The following RAB38 variants were observed in gnomAD, a reference collection of about 807,000 sequenced individuals.
The protein encoded by RAB38 is ras-related protein Rab-38.
RAB38 carries 15 observed loss-of-function variants against 18.4 expected under a neutral mutation model. The ratio of observed to expected loss-of-function variants is 0.82; its 90% CI spans 0.55 to 1.26. RAB38 has a LOEUF of 1.26. Among genes scored for constraint, RAB38 ranks in the 50% most tolerant of loss-of-function variants. The pLI, the probability that RAB38 is intolerant of heterozygous loss-of-function variation, is 0.00. For missense variants in RAB38, 294 were observed against 267.4 expected (o/e 1.10, Z -0.69); for synonymous variants, 101 against 104.4 (o/e 0.97, Z 0.20).
the RAB38 span, among the ~76,000 whole-genome samples, chr11:88,064,578 T>C: frequency 3.3e-5 from 5 of 152,216 alleles, no homozygotes; most frequent in African/African-American, 1.2e-4. Flanking sequence ...ATGTGATAAA[T>C]AGGCCTTATT....
the RAB38 span, among the ~76,000 whole-genome samples, chr11:88,071,716 T>TG: frequency 6.6e-6 from 1 of 152,124 alleles, no homozygotes; most frequent in South Asian, 2.1e-4. Flanking sequence ...AGCAATTGAT[T>TG]GGTAATAGGG....
the RAB38 span, among the ~76,000 whole-genome samples, chr11:87,858,922 A>C: frequency 8.0e-5 from 12 of 150,442 alleles, no homozygotes; most frequent in African/African-American, 2.7e-4. Context: ...TGTCCACCTG[A>C]GTCCAAAAAA....
the RAB38 span, among the ~76,000 whole-genome samples, chr11:88,010,838 C>T: frequency 6.6e-6 from 1 of 152,222 alleles, no homozygotes; most frequent in East Asian, 1.9e-4. Flanking sequence ...TTACCTTCCT[C>T]GTAGTCACCT....
chr11:87,909,139 A>C, the RAB38 span, among the ~76,000 whole-genome samples: 1 of 152,010 alleles, frequency 6.6e-6, no homozygotes, highest in South Asian at 2.1e-4. Context: ...TCCTGAAATG[A>C]ATCATTTTCT....
chr11:87,943,846 CTGTG>C, the RAB38 span, among the ~76,000 whole-genome samples: 1,635 of 152,220 alleles, frequency 0.011, 25 homozygotes, highest in African/African-American at 0.034. Flanking sequence ...TTCTACAATT[CTGTG>C]AATCTCAGTT....
chr11:88,041,449 A>G, the RAB38 span, among the ~76,000 whole-genome samples: 7 of 152,232 alleles, frequency 4.6e-5, no homozygotes, highest in African/African-American at 1.2e-4. Flanking sequence ...ATCAATTACA[A>G]TAAGTTTTGT....
the RAB38 span, among the ~76,000 whole-genome samples, chr11:88,080,521 T>G: frequency 6.6e-6 from 1 of 151,798 alleles, no homozygotes; most frequent in Non-Finnish European, 1.5e-5. Context: ...TGTAGCACAT[T>G]CTTTGAGAAA....
the RAB38 span, among the ~76,000 whole-genome samples, chr11:88,035,493 G>A: frequency 3.8e-3 from 578 of 152,154 alleles, 1 homozygote; most frequent in African/African-American, 0.013. Context: ...ATCACAAGGC[G>A]AGGTCCCACA....
the RAB38 span, among the ~76,000 whole-genome samples, chr11:87,911,910 A>C: frequency 1.3e-5 from 2 of 151,834 alleles, no homozygotes; most frequent in African/African-American, 4.8e-5. Flanking sequence ...GTATGCTGAG[A>C]AGCTTTATTG....
chr11:88,004,326 A>G, the RAB38 span, among the ~76,000 whole-genome samples: 1 of 151,126 alleles, frequency 6.6e-6, no homozygotes, highest in Non-Finnish European at 1.5e-5. Flanking sequence ...TGCAAGTTTG[A>G]TATAACTTTT....
chr11:88,077,901 CT>C, the RAB38 span, among the ~76,000 whole-genome samples: 1 of 152,046 alleles, frequency 6.6e-6, no homozygotes, highest in Non-Finnish European at 1.5e-5. Context: ...AACTATCCAT[CT>C]GCCAAGGAGT....
chr11:88,080,638 A>G, the RAB38 span, among the ~76,000 whole-genome samples: 3 of 151,988 alleles, frequency 2.0e-5, no homozygotes, highest in Non-Finnish European at 4.4e-5. Context: ...TTAAGACTCA[A>G]TTTGAAGTTG....
chr11:88,042,334 T>G, the RAB38 span, among the ~76,000 whole-genome samples: 24 of 152,154 alleles, frequency 1.6e-4, no homozygotes, highest in Non-Finnish European at 2.8e-4. Flanking sequence ...CTCCCAGTGC[T>G]AATTGCTTCT....
the RAB38 span, among the ~76,000 whole-genome samples, chr11:88,007,020 A>G: frequency 1.3e-4 from 19 of 151,942 alleles, no homozygotes; most frequent in Non-Finnish European, 2.4e-4. Context: ...AATTTCTCAC[A>G]AAGAAATAAT....
At chr11:88,027,846 T>C in the RAB38 span, among the ~76,000 whole-genome samples, 2 of 152,176 alleles carry the variant, frequency 1.3e-5, no homozygotes, top group Non-Finnish European at 2.9e-5. Flanking sequence ...GACTTAAATG[T>C]CCCTGTCTGA....
At chr11:87,972,209 G>A in the RAB38 span, among the ~76,000 whole-genome samples, 12 of 152,002 alleles carry the variant, frequency 7.9e-5, no homozygotes, top group African/African-American at 2.7e-4. Flanking sequence ...ACTTCAGGAC[G>A]CCTTCCTTAG....
chr11:88,025,468 C>A, the RAB38 span, among the ~76,000 whole-genome samples: 2 of 152,156 alleles, frequency 1.3e-5, no homozygotes, highest in African/African-American at 4.8e-5. Flanking sequence ...CTACTTTCCA[C>A]AGTGGCTGAA....
chr11:88,003,981 A>C, the RAB38 span, among the ~76,000 whole-genome samples: 18 of 126,882 alleles, frequency 1.4e-4, no homozygotes, highest in African/African-American at 2.9e-4. Flanking sequence ...AGGTATATGC[A>C]TATAGGTATA....
chr11:88,045,104 T>C, the RAB38 span, among the ~76,000 whole-genome samples: 3 of 152,192 alleles, frequency 2.0e-5, no homozygotes, highest in African/African-American at 7.2e-5. Context: ...CAGCCCAGTT[T>C]GTGGCTCGTT....
Sources: gnomAD v4.1 joint callset for allele counts (sites outside exome capture counted in the v4.1 genomes callset) on GRCh38, gnomAD v4.1.1 for gene constraint, MANE v1.5 for transcripts, NCBI Gene and HGNC (gene_info 2026-07-23, HGNC 2026-07-21) for gene names.